Variants in POLL observed in about 807,000 individuals in gnomAD.
The protein encoded by POLL is DNA polymerase lambda, also known as DNA polymerase beta-2.
Under a neutral mutation model 58.1 loss-of-function variants are expected in POLL, and 44 were observed. The ratio of observed to expected loss-of-function variants is 0.76; its 90% CI spans 0.60 to 0.97. POLL has a LOEUF of 0.97. Ranked by LOEUF, POLL falls within the 50% of genes least tolerant of loss-of-function variation. The probability of loss-of-function intolerance (pLI) is 0.00; values close to 1 mark genes in which losing one functional copy is unlikely to be tolerated. For missense variants in POLL, 632 were observed against 736.8 expected, an observed-to-expected ratio of 0.86 and a Z score of 1.65; for synonymous variants, 290 against 283.2, an observed-to-expected ratio of 1.02 and a Z score of -0.24.
intron 6 of POLL, chr10:101,583,289 C>T (rs1444908711): frequency 1.7e-5 from 10 of 600,606 alleles, no homozygotes; most frequent in Non-Finnish European, 2.9e-6. Flanking sequence ...TACTTCTTGT[C>T]CCTGTCTACT....
chr10:101,578,940 G>T lies in POLL; in HGVS notation c.*513C>A. ...GCCTCCCAACACTGTCCTCACCAAG[G>T]CTGGGGCACCCCATTCCCAGCACCA... On this transcript the variant is annotated 3_prime_UTR_variant, in exon 9 of 9. Transcript: ENST00000370162. 1 of 170,636 alleles carries T rather than the reference G, an allele frequency of 5.9e-6. No individual in the cohort carries two copies. The highest frequency in any genetic ancestry group is 1.3e-5 in the Non-Finnish European group (1 of 78,530). 10.6% of individuals were successfully genotyped at this position (170,636 alleles called of 1,614,324 possible).
At chr10:101,582,309 C>T (rs1288185344) in intron 7 of POLL, 3 of 160,882 alleles carry the variant, frequency 1.9e-5, no homozygotes, top group South Asian at 1.7e-4. Flanking sequence ...AACCTTTGCA[C>T]ATTTGTGCAT....
chr10:101,580,530 G>C lies in POLL; in HGVS notation c.1195-114C>G, dbSNP rs1385081677. 9 of 877,066 alleles carry C rather than the reference G, an allele frequency of 1.0e-5. No homozygotes were observed. Among genetic ancestry groups the C allele is most frequent in the African/African-American group, 1.7e-5 (1 of 59,592 alleles). 54.3% of individuals were successfully genotyped at this position (877,066 alleles called of 1,614,324 possible). ...ACACCCTCAGCTTATGCCCATTCCA[G>C]ATGCCTGCTGCAAGCCCAGGGGAAT... On this transcript the variant is annotated intron_variant, in intron 7 of 8. Transcript: ENST00000370162. The surrounding 1 kb of genome is among the most constrained non-coding windows in gnomAD (Gnocchi z 4.1).
rs146112511 is a variant in POLL, at chr10:101,582,866, C to T, written c.1091G>A (p.Arg364His). 1.8e-5 allele frequency: 29 copies of T among 1,614,044 alleles called. No individual in the cohort carries two copies. In the African/African-American group the frequency reaches 2.4e-4, roughly 13 times the overall value. ...QQGFRSLEDI[R>H]SQASLTTQQA... Reference sequence around the variant, plus strand: ...CTGGGTTGTCAGGGAGGCCTGGCTGCGGATGTCTTCCAGACTTCGGAAGCC... The same window carrying T: ...CTGGGTTGTCAGGGAGGCCTGGCTGTGGATGTCTTCCAGACTTCGGAAGCC... Residue 364 changes from arginine (R) to histidine (H), a missense_variant, in exon 7 of 9, where the codon CGC becomes CAC. Arg to His is a conservative substitution (Grantham distance 29). Coordinates refer to ENST00000370162, the MANE Select transcript of POLL (RefSeq NM_001174084.2).
At chr10:101,585,250 G>A in intron 4 of POLL, 66 bp downstream of exon 4, 1 of 1,393,040 alleles carries the variant, frequency 7.2e-7, no homozygotes, top group Non-Finnish European at 9.7e-7. Flanking sequence ...CAGCCACCAG[G>A]CCCACCCCAT....
rs142581169 is a variant in POLL, at chr10:101,579,667, T to G, written c.1514A>C (p.Tyr505Ser). 3.3e-5 allele frequency: 53 copies of G among 1,613,752 alleles called. No individual in the cohort carries two copies. The African/African-American group carries it at 6.5e-4, about 20-fold the overall frequency. ...GTTGAAGTGTGCAGAGCCGGTGAAG[T>G]AGAGCAGGGCACAGGCAAACTCGCT... ...PYSEFACALLYFTGSAHFNRS... is the reference protein window; with the variant it reads ...PYSEFACALLSFTGSAHFNRS... The change falls in exon 9 of 9, where the codon TAC becomes TCC. Residue 505 changes from tyrosine to serine, a missense_variant. Tyr to Ser is a moderately radical substitution (Grantham distance 144, BLOSUM62 -2). Transcript: ENST00000370162. This position sits in a 1 kb window ranked among gnomAD's most constrained non-coding sequence, Gnocchi z 4.4.
chr10:101,583,957 CCAT>C (rs1006554478), intron 5 of POLL, among the ~76,000 whole-genome samples: 16 of 152,186 alleles, frequency 1.1e-4, no homozygotes, highest in Non-Finnish European at 1.9e-4. Flanking sequence ...ACCACCACCA[CCAT>C]CATCATCATT....
chr10:101,583,515 TACC>T lies in POLL; in HGVS notation c.1055_1057del (p.Trp352del). 1.9e-6 allele frequency: 3 copies of T among 1,612,814 alleles called. No homozygotes were observed. Among genetic ancestry groups the T allele is most frequent in the Non-Finnish European group, 1.7e-6 (2 of 1,180,026 alleles). ...GCTGAGCCAGGGTGTGACCTGTTGG[TACC>T]ACATCTGGGCAGTCTTGGTCCCAGC... On this transcript the variant is annotated inframe_deletion, in exon 6 of 9. Coordinates refer to ENST00000370162, the MANE Select transcript of POLL (RefSeq NM_001174084.2).
Position 101,585,909 on chromosome 10 carries a change from C to A in POLL, c.363G>T (p.Glu121Asp), listed in dbSNP as rs763128731. 1.2e-6 allele frequency: 2 copies of A among 1,608,268 alleles called. No individual in the cohort carries two copies. Among genetic ancestry groups the A allele is most frequent in the Non-Finnish European group, 8.5e-7 (1 of 1,175,076 alleles). ...KSAWLSLCLQ[E>D]RRLVDVAGFS... ...ATCCAGCTACATCCACCAGCCTCCT[C>A]TCCTGAAGGCACAAGCTCAGCCAGG... is the stretch of plus-strand genomic sequence containing the variant. The change falls in exon 3 of 9, where the codon GAG becomes GAT. Residue 121 changes from glutamate (E) to aspartate (D), a missense_variant. Transcript: ENST00000370162.
Position 101,580,742 on chromosome 10 carries a change from C to A in POLL, c.1195-326G>T. The A allele has an allele frequency of 4.2e-6, 1 of 238,872 alleles. No individual in the cohort carries two copies. The highest frequency in any genetic ancestry group is 2.3e-5 in the African/African-American group (1 of 44,004). 14.8% of individuals were successfully genotyped at this position (238,872 alleles called of 1,614,324 possible). A position where few individuals can be genotyped will look rare whatever the true frequency, so the allele number is the denominator to read the frequency against. On this transcript the variant is annotated intron_variant, in intron 7 of 8. Transcript: ENST00000370162. The surrounding 1 kb of genome is among the most constrained non-coding windows in gnomAD (Gnocchi z 4.1). ...ACACAGACTCTCTCTGCCCCTGCCC[C>A]AGCCCACGTGCCCAGGTCTGTGAAA...
chr10:101,586,307 T>C (rs936781415), intron 2 of POLL, 151 bp from the exon 3 acceptor site: 5 of 731,550 alleles, frequency 6.8e-6, no homozygotes, highest in Non-Finnish European at 1.1e-5. Flanking sequence ...TCCAGACAGC[T>C]TTCCTTCTAC....
chr10:101,587,797 T>A (rs1452015885), intron 1 of POLL, 25 bp downstream of exon 1: 1 of 1,189,886 alleles, frequency 8.4e-7, no homozygotes, highest in Non-Finnish European at 1.1e-6. Flanking sequence ...GACCTGCACA[T>A]AAACCCCACA....
intron 3 of POLL, 90 bp from the exon 4 acceptor site, chr10:101,585,568 C>G (rs2063279257): frequency 8.4e-7 from 1 of 1,195,610 alleles, no homozygotes; most frequent in Non-Finnish European, 1.2e-6. Flanking sequence ...ACTTGGTTTC[C>G]CAGTGTGTCC....
chr10:101,585,736 G>A (rs2063289585), intron 3 of POLL, 126 bp downstream of exon 3: 1 of 893,442 alleles, frequency 1.1e-6, no homozygotes, highest in South Asian at 1.9e-5. Context: ...TTATAGCTGG[G>A]ACTACAGGCA....
rs149619701 is a variant in POLL, at chr10:101,582,856, G to A, written c.1101C>T (p.Ala367=). The A allele has an allele frequency of 6.3e-5, 102 of 1,614,098 alleles. No individual in the cohort carries two copies. Among genetic ancestry groups the A allele is most frequent in the Non-Finnish European group, 8.0e-5 (94 of 1,180,024 alleles). Residue 367 remains alanine (A), a synonymous_variant, in exon 7 of 9, where the codon GCC becomes GCT. Transcript: ENST00000370162. The part of the protein sequence containing the change: ...FRSLEDIRSQ[A]SLTTQQAIGL... The stretch of plus-strand genomic sequence containing the variant: ...CGATGGCCTGCTGGGTTGTCAGGGA[G>A]GCCTGGCTGCGGATGTCTTCCAGAC...
In POLL at chr10:101,586,106, C is replaced by G. The variant is rs1164745736; in HGVS notation, c.166G>C (p.Ala56Pro). Residue 56 changes from alanine to proline, a missense_variant, in exon 3 of 9, where the codon GCC becomes CCC. Coordinates refer to ENST00000370162, the MANE Select transcript of POLL (RefSeq NM_001174084.2). ...TGCTTCTCAAAGAGTTCTGCCCGGG[C>G]TCGTCCAATGCCAGTGCGCACAACA... ...AHVVRTGIGR[A>P]RAELFEKQIV... 1.9e-6 allele frequency: 3 copies of G among 1,613,778 alleles called. No homozygotes were observed. Among genetic ancestry groups the G allele is most frequent in the Non-Finnish European group, 2.5e-6 (3 of 1,179,958 alleles).
chr10:101,587,238 C>T lies in POLL; in HGVS notation c.115+8G>A. On this transcript the variant is annotated splice_region_variant and intron_variant, in intron 2 of 8. Transcript: ENST00000370162. ...GCACACGAGGGTTCTGAGACTGGGT[C>T]AGCTCACCTTCTGCTTCTTCTCCCT... 1 of 1,613,710 alleles carries T rather than the reference C, an allele frequency of 6.2e-7. No homozygotes were observed. The highest frequency in any genetic ancestry group is 8.5e-7 in the Non-Finnish European group (1 of 1,179,664).
Position 101,588,235 on chromosome 10 carries a change from G to C in POLL, c.-460C>G. The stretch of plus-strand genomic sequence containing the variant: ...AGCCAATGAGAGCGGACGAAGGGGG[G>C]AAGGAGGGCAAATGGCCAGAATAGC... On this transcript the variant is annotated 5_prime_UTR_variant, in exon 1 of 9. Transcript: ENST00000370162. 1 of 1,550,984 alleles carries C rather than the reference G, an allele frequency of 6.4e-7. No individual in the cohort carries two copies. Among genetic ancestry groups the C allele is most frequent in the Non-Finnish European group, 8.7e-7 (1 of 1,147,230 alleles).
At chr10:101,587,710 C>T (rs1434225227) in intron 1 of POLL, 112 bp downstream of exon 1, 1 of 1,109,332 alleles carries the variant, frequency 9.0e-7, no homozygotes, top group Non-Finnish European at 1.2e-6. Flanking sequence ...CTGCTGCGGC[C>T]CACTTCGAAG....
Sources: gnomAD v4.1 joint callset for allele counts (sites outside exome capture counted in the v4.1 genomes callset) on GRCh38, gnomAD v4.1.1 for gene constraint, Gnocchi (gnomAD v3.1) non-coding constraint, MANE v1.5 for transcripts, NCBI Gene and HGNC (gene_info 2026-07-23, HGNC 2026-07-21) for gene names.